The following TXNL4B variants were observed in gnomAD, a reference collection of about 807,000 sequenced individuals.
TXNL4B encodes thioredoxin like 4B.
In TXNL4B, 12 loss-of-function variants were observed where a neutral mutation model predicts 13.0. The ratio of observed to expected loss-of-function variants is 0.92; its 90% confidence interval spans 0.59 to 1.49. TXNL4B has a LOEUF of 1.49. Ranked by LOEUF, TXNL4B falls within the 40% of genes most tolerant of loss-of-function variation. The pLI is 0.00. For synonymous variants in TXNL4B, 59 were observed against 58.9 expected (o/e 1.00, Z -0.01); for missense variants, 214 against 173.6 (o/e 1.23, Z -1.31).
At chr16:72,087,918 C>T (rs1024610128) in intron 3 of TXNL4B, among the ~76,000 whole-genome samples, 3 of 152,174 alleles carry the variant, frequency 2.0e-5, no homozygotes, top group Non-Finnish European at 2.9e-5. Context: ...CTCCTGGGTT[C>T]ATGCCATTTT....
At chr16:72,091,811 T>C (rs1182727839) in intron 1 of TXNL4B, among the ~76,000 whole-genome samples, 1 of 152,170 alleles carries the variant, frequency 6.6e-6, no homozygotes, top group East Asian at 1.9e-4. Flanking sequence ...AATAATAAAA[T>C]ACTGAGGTAC....
Position 72,086,784 on chromosome 16 carries a change from C to T in TXNL4B, c.303G>A (p.Lys101=), listed in dbSNP as rs16973703. Residue 101 remains lysine (K), a synonymous_variant, in exon 4 of 4, where the codon AAG becomes AAA. Transcript: ENST00000268483. ...GTTTGGTTTTGAAGCTTCCCACAAA[C>T]TTAGTGTGATCTGGAGATCTAGACA... ...KVDYGSPDHT[K]FVGSFKTKQD... 11,438 of 1,611,124 alleles carry T rather than the reference C, an allele frequency of 7.1e-3. 653 individuals carry two copies. The African/African-American group carries it at 0.13, about 19-fold the overall frequency.
At chr16:72,090,201 C>T (rs142947748) in intron 2 of TXNL4B, 81 of 456,778 alleles carry the variant, frequency 1.8e-4, no homozygotes, top group African/African-American at 1.5e-3. Context: ...TTTGCAGCTA[C>T]AGAAAACTGA....
intron 1 of TXNL4B, among the ~76,000 whole-genome samples, chr16:72,092,296 C>A (rs2041920562): frequency 6.6e-6 from 1 of 152,096 alleles, no homozygotes; most frequent in Non-Finnish European, 1.5e-5. Flanking sequence ...ACCTGTAATC[C>A]AAGCTACTCA....
At chr16:72,093,869 T>G (rs1051490607), upstream of TXNL4B, 1 of 152,232 alleles carries the variant, frequency 6.6e-6, no homozygotes, top group Non-Finnish European at 1.5e-5. Context: ...GAATCGGGCG[T>G]GTTCCAGGCT....
At chr16:72,086,909 G>T in intron 3 of TXNL4B, 107 bp from the exon 4 acceptor site, 1 of 855,170 alleles carries the variant, frequency 1.2e-6, no homozygotes, top group Non-Finnish European at 1.7e-6. Context: ...TTTTCTTCTT[G>T]TCAATGAGAC....
chr16:72,086,728 T>C lies in TXNL4B; in HGVS notation c.359A>G (p.Tyr120Cys), dbSNP rs780045828. The change falls in exon 4 of 4, where the codon TAT becomes TGT. Residue 120 changes from tyrosine to cysteine, a missense_variant. Transcript: ENST00000268483. ...AAGCTTCCCCCTCATTGCTCCTCGA[T>C]AGATTACTTCAATCAAATCTATGAA... ...QDFIDLIEVI[Y>C]RGAMRGKLIV... 1.7e-5 allele frequency: 27 copies of C among 1,613,858 alleles called. No homozygotes were observed. The highest frequency in any genetic ancestry group is 1.3e-4 in the South Asian group (12 of 91,074).
rs1202200271 is a variant in TXNL4B at position 72,085,702 on chromosome 16, T to C, written c.*935A>G. 3.9e-5 allele frequency: 6 copies of C among 152,108 alleles called. No homozygotes were observed. The highest frequency in any genetic ancestry group is 1.3e-4 in the Admixed American group (2 of 15,266). 9.4% of individuals were successfully genotyped at this position (152,108 alleles called of 1,614,324 possible). A position where few individuals can be genotyped will look rare whatever the true frequency, so the allele number is the denominator to read the frequency against. On this transcript the variant is annotated 3_prime_UTR_variant, in exon 4 of 4. Transcript: ENST00000268483. ...TTCTCACTTTCCATATTAAATTTTA[T>C]AACATAAAAAATAATTAAATGGGGT...
Position 72,086,406 on chromosome 16 carries a change from C to A in TXNL4B, c.*231G>T. ...CAAAAATCACTGTGGGGAAAATGAA[C>A]ACCAATGACTTGGCTGCTCTGAGGC... On this transcript the variant is annotated 3_prime_UTR_variant, in exon 4 of 4. Coordinates refer to ENST00000268483, the MANE Select transcript of TXNL4B (RefSeq NM_017853.3). The A allele has an allele frequency of 2.6e-6, 1 of 382,462 alleles. No homozygotes were observed. The highest frequency in any genetic ancestry group is 7.6e-5 in the South Asian group (1 of 13,154). 23.7% of individuals were successfully genotyped at this position (382,462 alleles called of 1,614,324 possible).
intron 1 of TXNL4B, among the ~76,000 whole-genome samples, chr16:72,092,003 G>A (rs1355075106): frequency 6.6e-6 from 1 of 152,204 alleles, no homozygotes; most frequent in Non-Finnish European, 1.5e-5. Context: ...TGACAAAGAA[G>A]CTTAGTTTTG....
At chr16:72,088,087 G>A (rs923626757) in intron 3 of TXNL4B, among the ~76,000 whole-genome samples, 3 of 152,192 alleles carry the variant, frequency 2.0e-5, no homozygotes, top group African/African-American at 4.8e-5. Flanking sequence ...CCAAAGTGCT[G>A]GGATTACACG....
At chr16:72,088,863 T>C (rs536963282) in intron 3 of TXNL4B, 124 bp downstream of exon 3, 12 of 616,754 alleles carry the variant, frequency 1.9e-5, no homozygotes, top group East Asian at 8.4e-5. Flanking sequence ...AGTGCGTCAA[T>C]TGGGGAAACA....
chr16:72,088,425 G>A (rs149684269), intron 3 of TXNL4B, among the ~76,000 whole-genome samples: 123 of 152,358 alleles, frequency 8.1e-4, no homozygotes, highest in African/African-American at 2.8e-3. Flanking sequence ...ATTGGATGGA[G>A]TGGAAGGCAC....
At chr16:72,089,805 C>A (rs2041876180) in intron 2 of TXNL4B, among the ~76,000 whole-genome samples, 2 of 152,330 alleles carry the variant, frequency 1.3e-5, no homozygotes, top group South Asian at 4.1e-4. Flanking sequence ...TTAATCCTTA[C>A]ATCATTCTTA....
Position 72,090,657 on chromosome 16 carries a change from C to A in TXNL4B, c.93G>T (p.Gly31=). 6.2e-7 allele frequency: 1 copy of A among 1,614,188 alleles called. No individual in the cohort carries two copies. Among genetic ancestry groups the A allele is most frequent in the Non-Finnish European group, 8.5e-7 (1 of 1,180,026 alleles). ...TAEKVLVLRF[G]RDEDPVCLQL... is the part of the protein sequence containing the mutation. ...GCAGACAGACAGGATCTTCATCTCT[C>A]CCAAACCTGAGAACCAACACCTTCT... Residue 31 remains glycine, a synonymous_variant, in exon 2 of 4, where the codon GGG becomes GGT. Coordinates refer to ENST00000268483, the MANE Select transcript of TXNL4B (RefSeq NM_017853.3).
At chr16:72,092,584 A>C (rs2041927571) in intron 1 of TXNL4B, among the ~76,000 whole-genome samples, 1 of 152,210 alleles carries the variant, frequency 6.6e-6, no homozygotes, top group African/African-American at 2.4e-5. Context: ...GAGAAGACGG[A>C]TCTGTCCCAC....
chr16:72,089,726 T>C (rs185344738), intron 2 of TXNL4B, among the ~76,000 whole-genome samples: 19 of 152,346 alleles, frequency 1.2e-4, no homozygotes, highest in Admixed American at 3.3e-4. Context: ...CCACGATAAT[T>C]AGTAGCAGAC....
In TXNL4B at chr16:72,086,834, A is replaced by G. The variant is rs771854443; in HGVS notation, c.285-32T>C. On this transcript the variant is annotated intron_variant, in intron 3 of 3. Coordinates refer to ENST00000268483, the MANE Select transcript of TXNL4B (RefSeq NM_017853.3). ...AGCATAGAAGAGAAACAACTGCTCT[A>G]AGAACTTTGAGTAATCACTTGTTGA... 3.4e-6 allele frequency: 5 copies of G among 1,474,362 alleles called. No individual in the cohort carries two copies. The South Asian group carries it at 4.3e-5, about 13-fold the overall frequency. 91.3% of individuals were successfully genotyped at this position (1,474,362 alleles called of 1,614,324 possible).
intron 3 of TXNL4B, among the ~76,000 whole-genome samples, chr16:72,088,536 C>T (rs1166798973): frequency 2.6e-5 from 4 of 152,226 alleles, no homozygotes; most frequent in Admixed American, 6.5e-5. Context: ...AGAAGCACAT[C>T]TTAGTTTGCT....
Sources: gnomAD v4.1 joint callset for allele counts (sites outside exome capture counted in the v4.1 genomes callset) on GRCh38, gnomAD v4.1.1 for gene constraint, MANE v1.5 for transcripts, NCBI Gene and HGNC (gene_info 2026-07-23, HGNC 2026-07-21) for gene names.